WWOX: variants seen among roughly 807,000 people sequenced by gnomAD.
WWOX encodes the protein WW domain containing oxidoreductase.
WWOX carries 69 observed loss-of-function variants against 46.2 expected under a neutral mutation model. The ratio of observed to expected loss-of-function variants is 1.49; its 90% CI spans 1.23 to 1.82. The LOEUF is 1.82. WWOX is among the 40% of genes most tolerant of loss of function. The pLI, the probability that WWOX is intolerant of heterozygous loss-of-function variation, is 0.00. For synonymous variants in WWOX, 359 were observed against 202.6 expected, an observed-to-expected ratio of 1.77 and a Z score of -6.56; for missense variants, 919 against 542.6, an observed-to-expected ratio of 1.69 and a Z score of -6.89.
chr16:78,443,139 A>AC (rs1382862517), intron 8 of WWOX, among the ~76,000 whole-genome samples: 5 of 132,944 alleles, frequency 3.8e-5, no homozygotes, highest in African/African-American at 1.6e-4. Flanking sequence ...CCATCTCAAA[A>AC]AAAAAAAAAA....
intron 5 of WWOX, among the ~76,000 whole-genome samples, chr16:78,196,704 C>T (rs2036064230): frequency 6.6e-6 from 1 of 152,194 alleles, no homozygotes; most frequent in African/African-American, 2.4e-5. Flanking sequence ...ATAGCATTAG[C>T]TCTGACTGTA....
At chr16:78,977,385 T>G (rs911333017) in intron 8 of WWOX, among the ~76,000 whole-genome samples, 1 of 152,130 alleles carries the variant, frequency 6.6e-6, no homozygotes, top group Admixed American at 6.5e-5. Flanking sequence ...GTTATGACCA[T>G]AGAAGTTTGT....
chr16:78,764,958 A>G (rs532796894), intron 8 of WWOX, among the ~76,000 whole-genome samples: 2 of 152,298 alleles, frequency 1.3e-5, no homozygotes, highest in Admixed American at 6.5e-5. Context: ...TCTGCTTACA[A>G]TATTTTTTGA....
intron 8 of WWOX, among the ~76,000 whole-genome samples, chr16:78,486,247 TAGAAAG>T (rs1187304944): frequency 1.3e-5 from 2 of 152,158 alleles, no homozygotes; most frequent in Non-Finnish European, 2.9e-5. Context: ...AACTTGGAGT[TAGAAAG>T]AGATGTGTAG....
intron 8 of WWOX, among the ~76,000 whole-genome samples, chr16:78,662,184 G>A (rs1263513988): frequency 6.6e-6 from 1 of 152,128 alleles, no homozygotes; most frequent in African/African-American, 2.4e-5. Context: ...CTACTCTGAG[G>A]ATGAATTGCC....
rs140079951 is a variant in WWOX at position 78,642,587 on chromosome 16, G to T, written c.1056+209835G>T. ...GCCACTTGTTGGATGAGATTTCCGG[G>T]CAAGTTGAGTCTCCATGTTTTTGTC... On this transcript the variant is annotated intron_variant, in intron 8 of 8. Coordinates refer to ENST00000566780, the MANE Select transcript of WWOX (RefSeq NM_016373.4). Among the ~76,000 whole-genome samples the T allele has an allele frequency of 4.0e-3, 602 of 152,204 alleles. 3 individuals are homozygous for T. The highest frequency in any genetic ancestry group is 0.014 in the African/African-American group (581 of 41,504).
chr16:78,126,350 A>G (rs1266844975), intron 4 of WWOX, among the ~76,000 whole-genome samples: 1 of 152,232 alleles, frequency 6.6e-6, no homozygotes, highest in Non-Finnish European at 1.5e-5. Flanking sequence ...GATTGTACCA[A>G]TTTGAATGCT....
chr16:78,548,641 T>C (rs562853654), intron 8 of WWOX, among the ~76,000 whole-genome samples: 1 of 152,352 alleles, frequency 6.6e-6, no homozygotes, highest in South Asian at 2.1e-4. Flanking sequence ...TTGCCTTTCA[T>C]GCAGTATTGT....
chr16:78,447,240 C>T (rs181672499), intron 8 of WWOX, among the ~76,000 whole-genome samples: 2 of 152,290 alleles, frequency 1.3e-5, no homozygotes, highest in Admixed American at 1.3e-4. Flanking sequence ...GAAACTAGAT[C>T]TGTAACTCTG....
At chr16:78,577,532 G>C (rs1324102830) in intron 8 of WWOX, among the ~76,000 whole-genome samples, 2 of 152,174 alleles carry the variant, frequency 1.3e-5, no homozygotes, top group African/African-American at 2.4e-5. Flanking sequence ...TTTGAGCCAA[G>C]CCAGCTAGAG....
intron 8 of WWOX, among the ~76,000 whole-genome samples, chr16:78,993,507 C>T (rs986815646): frequency 2.0e-5 from 3 of 152,078 alleles, no homozygotes; most frequent in Non-Finnish European, 4.4e-5. Flanking sequence ...CTAATCAGCA[C>T]GCAGGAGCCT....
chr16:78,266,788 T>TTCCCTCTCTCTCTCTCTCTCTCTC (rs2079370761), intron 5 of WWOX, among the ~76,000 whole-genome samples: 12 of 115,626 alleles, frequency 1.0e-4, no homozygotes, highest in African/African-American at 3.8e-4. Flanking sequence ...TATTCTTCTA[T>TTCCCTCTCTCTCTCTCTCTCTCTC]TCTCTCTCTC....
intron 8 of WWOX, among the ~76,000 whole-genome samples, chr16:78,671,414 G>A (rs190931940): frequency 6.6e-6 from 1 of 152,290 alleles, no homozygotes; most frequent in East Asian, 1.9e-4. Flanking sequence ...GATAGCATGA[G>A]ACTGTGTCTC....
At chr16:78,566,154 C>G (rs1002337665) in intron 8 of WWOX, among the ~76,000 whole-genome samples, 1 of 152,028 alleles carries the variant, frequency 6.6e-6, no homozygotes, top group African/African-American at 2.4e-5. Context: ...GGGTCTGGAA[C>G]CTTTCTCTTA....
intron 6 of WWOX, among the ~76,000 whole-genome samples, chr16:78,410,972 C>A (rs2082667399): frequency 6.6e-6 from 1 of 152,096 alleles, no homozygotes; most frequent in South Asian, 2.1e-4. Flanking sequence ...ACCTCAGTTC[C>A]CTGCCATGTG....
intron 8 of WWOX, among the ~76,000 whole-genome samples, chr16:79,033,190 T>G (rs1421604451): frequency 1.4e-5 from 2 of 139,548 alleles, no homozygotes; most frequent in African/African-American, 5.5e-5. Context: ...TATAGATAAT[T>G]TATATATAAA....
At position 78,366,818 on chromosome 16, in the gene WWOX, G is replaced by C. The variant is rs188786225; in HGVS notation, c.517-20042G>C. On this transcript the variant is annotated intron_variant, in intron 5 of 8. Transcript: ENST00000566780. The stretch of plus-strand genomic sequence containing the variant: ...TATGTTAAGACAAAATGAGCAGGTG[G>C]TTGGATTAGTATTTTCTTTCTACAC... Among the ~76,000 whole-genome samples the C allele has an allele frequency of 2.0e-5, 3 of 152,156 alleles. No individual in the cohort carries two copies. The East Asian group carries it at 5.8e-4, about 29-fold the overall frequency.
At position 79,212,296 on chromosome 16, in the gene WWOX, A is replaced by C. The variant is rs1357332715; in HGVS notation, c.*500A>C. ...CTGACCAAGACTGAGCCAGCTTAGC[A>C]ACTGCTGGGGAGACAAATCTCAGAA... On this transcript the variant is annotated 3_prime_UTR_variant, in exon 9 of 9. Coordinates refer to ENST00000566780, the MANE Select transcript of WWOX (RefSeq NM_016373.4). The C allele has an allele frequency of 9.8e-7, 1 of 1,021,472 alleles. No individual in the cohort carries two copies. Among genetic ancestry groups the C allele is most frequent in the Non-Finnish European group, 1.4e-6 (1 of 726,704 alleles). The allele number at this position is 1,021,472 out of a possible 1,614,324, so 63.3% of individuals were successfully genotyped here.
At chr16:78,623,662 A>G (rs1159740707) in intron 8 of WWOX, among the ~76,000 whole-genome samples, 1 of 151,720 alleles carries the variant, frequency 6.6e-6, no homozygotes, top group Non-Finnish European at 1.5e-5. Context: ...AAGTTGTGAA[A>G]GGAGCCATGA....
Sources: allele counts gnomAD v4.1 joint callset (sites outside exome capture counted in the v4.1 genomes callset), GRCh38; gene constraint gnomAD v4.1.1; transcripts MANE v1.5; gene names NCBI Gene and HGNC (gene_info 2026-07-23, HGNC 2026-07-21).